Variants in R3HDM1 observed in about 807,000 individuals in gnomAD.
R3HDM1 encodes the protein R3H domain containing 1, also known as R3H domain-containing protein 1.
Under a neutral mutation model 141.1 loss-of-function variants are expected in R3HDM1, and 46 were observed. The observed-to-expected ratio is 0.33, with a 90% CI of 0.26 to 0.42. R3HDM1 has a LOEUF of 0.42. Ranked by LOEUF, R3HDM1 falls within the 10% of genes least tolerant of loss-of-function variation. The pLI, the probability that R3HDM1 is intolerant of heterozygous loss-of-function variation, is 1.00. For synonymous variants in R3HDM1, 435 were observed against 472.9 expected (o/e 0.92, Z 1.04); for missense variants, 1,184 against 1,368.3 (o/e 0.87, Z 2.12).
At chr2:135,548,392 A>G (rs547280036) in intron 1 of R3HDM1, among the ~76,000 whole-genome samples, 3 of 152,352 alleles carry the variant, frequency 2.0e-5, no homozygotes, top group Non-Finnish European at 2.9e-5. Context: ...GCATATGATT[A>G]ACTAGAGTTG....
intron 1 of R3HDM1, among the ~76,000 whole-genome samples, chr2:135,584,859 A>G (rs1401202782): frequency 6.6e-6 from 1 of 152,204 alleles, no homozygotes; most frequent in Non-Finnish European, 1.5e-5. Flanking sequence ...TAGCTTGTCC[A>G]TCTGTTTCAT....
At chr2:135,684,487 T>A (rs2070991430) in intron 21 of R3HDM1, among the ~76,000 whole-genome samples, 1 of 152,184 alleles carries the variant, frequency 6.6e-6, no homozygotes, top group African/African-American at 2.4e-5. Context: ...TTCTATAACC[T>A]CTCTATGCTT....
intron 9 of R3HDM1, among the ~76,000 whole-genome samples, chr2:135,633,522 A>G (rs1351457287): frequency 2.0e-5 from 3 of 151,932 alleles, no homozygotes; most frequent in Admixed American, 2.0e-4. Context: ...CTTATAATAT[A>G]CTTAAAGAAG....
At chr2:135,690,989 G>A (rs1277002406) in intron 21 of R3HDM1, among the ~76,000 whole-genome samples, 4 of 152,132 alleles carry the variant, frequency 2.6e-5, no homozygotes, top group African/African-American at 9.7e-5. Flanking sequence ...AGTATTTGTG[G>A]TGCTTCCTCA....
Position 135,699,361 on chromosome 2 carries a change from G to T in R3HDM1, c.2460-10072G>T, listed in dbSNP as rs114555284. Among the ~76,000 whole-genome samples the T allele has an allele frequency of 6.0e-3, 911 of 152,312 alleles. 4 individuals carry two copies. Among genetic ancestry groups the T allele is most frequent in the Middle Eastern group, 0.034 (10 of 294 alleles). Reference sequence around the variant, plus strand: ...ATGTGTTTGTATGCTGAAGGGAAAGGCTTAGTAGATACAGAAGATTTGCCT... The same window carrying T: ...ATGTGTTTGTATGCTGAAGGGAAAGTCTTAGTAGATACAGAAGATTTGCCT... On this transcript the variant is annotated intron_variant, in intron 21 of 26. Coordinates refer to ENST00000683871, the MANE Select transcript of R3HDM1 (RefSeq NM_001378107.1).
At chr2:135,537,277 C>CTTTTT (rs1036767352) in intron 1 of R3HDM1, among the ~76,000 whole-genome samples, 3 of 84,446 alleles carry the variant, frequency 3.6e-5, no homozygotes, top group Admixed American at 1.4e-4. Flanking sequence ...ATTAGTCTGT[C>CTTTTT]TTTTTTTTTT....
At chr2:135,674,506 A>T (rs2068847274) in intron 19 of R3HDM1, among the ~76,000 whole-genome samples, 1 of 152,220 alleles carries the variant, frequency 6.6e-6, no homozygotes, top group African/African-American at 2.4e-5. Context: ...GCTAATTAGT[A>T]TACCTAAAAG....
At chr2:135,683,031 C>T (rs936121329) in intron 21 of R3HDM1, among the ~76,000 whole-genome samples, 1 of 151,978 alleles carries the variant, frequency 6.6e-6, no homozygotes, top group South Asian at 2.1e-4. Flanking sequence ...TTGGAATTAC[C>T]CGCAGCTTGG....
chr2:135,714,997 A>C (rs1261841237), intron 23 of R3HDM1, among the ~76,000 whole-genome samples: 1 of 152,224 alleles, frequency 6.6e-6, no homozygotes, highest in Non-Finnish European at 1.5e-5. Context: ...TTTTGAAAGT[A>C]GGATGTATAG....
At chr2:135,577,995 G>T (rs545494248) in intron 1 of R3HDM1, among the ~76,000 whole-genome samples, 1 of 152,294 alleles carries the variant, frequency 6.6e-6, no homozygotes, top group South Asian at 2.1e-4. Context: ...CTTCTGAAGA[G>T]CAGTGCCTAA....
chr2:135,671,916 C>T (rs62168796), intron 19 of R3HDM1, among the ~76,000 whole-genome samples: 2,121 of 151,188 alleles, frequency 0.014, 28 homozygotes, highest in Admixed American at 0.029. Flanking sequence ...GTGGAGGTTG[C>T]GGTGAGCCAA....
Position 135,699,075 on chromosome 2 carries a change from T to TTAGATAGATAGATAGATAGATAGATAGA in R3HDM1, c.2460-10356_2460-10329dup, listed in dbSNP as rs59211429. Among the ~76,000 whole-genome samples, 341 of 132,054 alleles carry TTAGATAGATAGATAGATAGATAGATAGA rather than the reference T, an allele frequency of 2.6e-3. 7 individuals are homozygous for TTAGATAGATAGATAGATAGATAGATAGA. The highest frequency in any genetic ancestry group is 6.3e-3 in the East Asian group (28 of 4,424). The allele number at this position is 132,054 out of a possible 152,430, so 86.6% of individuals were successfully genotyped here. On this transcript the variant is annotated intron_variant, in intron 21 of 26. Coordinates refer to ENST00000683871, the MANE Select transcript of R3HDM1 (RefSeq NM_001378107.1). The stretch of plus-strand genomic sequence containing the variant: ...AGATAAGATAGATTGATTAGATAGA[T>TTAGATAGATAGATAGATAGATAGATAGA]TAGATAGATAGATAGATAGATAGAT...
chr2:135,539,641 G>A (rs960952401), intron 1 of R3HDM1, among the ~76,000 whole-genome samples: 1 of 151,468 alleles, frequency 6.6e-6, no homozygotes, highest in African/African-American at 2.4e-5. Context: ...TAAAAGTTAG[G>A]TTTACTACTG....
intron 7 of R3HDM1, among the ~76,000 whole-genome samples, chr2:135,624,535 C>G (rs138926265): frequency 8.6e-4 from 131 of 152,232 alleles, no homozygotes; most frequent in Middle Eastern, 3.4e-3. Flanking sequence ...TTGATTGTCC[C>G]AGTGAGTGCA....
At chr2:135,538,456 T>C (rs1467701335) in intron 1 of R3HDM1, among the ~76,000 whole-genome samples, 2 of 152,216 alleles carry the variant, frequency 1.3e-5, no homozygotes, top group East Asian at 3.8e-4. Flanking sequence ...AAAATTAACT[T>C]GTTTGCAGTA....
chr2:135,646,395 A>C (rs888159159), intron 16 of R3HDM1, among the ~76,000 whole-genome samples: 1 of 150,654 alleles, frequency 6.6e-6, no homozygotes, highest in African/African-American at 2.4e-5. Flanking sequence ...TCGGCCTCCC[A>C]AAGTGCTGGG....
chr2:135,582,050 A>G (rs1706925973), intron 1 of R3HDM1, among the ~76,000 whole-genome samples: 1 of 152,110 alleles, frequency 6.6e-6, no homozygotes, highest in Non-Finnish European at 1.5e-5. Context: ...AAATCCTTCC[A>G]TCTTGCTGGG....
intron 3 of R3HDM1, among the ~76,000 whole-genome samples, chr2:135,606,848 T>C (rs1171368777): frequency 6.6e-6 from 1 of 151,748 alleles, no homozygotes; most frequent in Non-Finnish European, 1.5e-5. Context: ...GAGAAAATAT[T>C]CTATCATTCT....
chr2:135,647,550 C>G (rs777583797), intron 16 of R3HDM1, among the ~76,000 whole-genome samples: 3 of 152,062 alleles, frequency 2.0e-5, no homozygotes, highest in Non-Finnish European at 2.9e-5. Flanking sequence ...CTTTAATGAG[C>G]TATAATTGGA....
Sources: allele counts gnomAD v4.1 joint callset (sites outside exome capture counted in the v4.1 genomes callset), GRCh38; gene constraint gnomAD v4.1.1; transcripts MANE v1.5; gene names NCBI Gene and HGNC (gene_info 2026-07-23, HGNC 2026-07-21).